ARHGAP31: variants seen among roughly 807,000 people sequenced by gnomAD.
The protein encoded by ARHGAP31 is Rho GTPase activating protein 31.
In ARHGAP31, 34 loss-of-function variants were observed where a neutral mutation model predicts 113.9. The observed-to-expected ratio is 0.30, with a 90% CI of 0.23 to 0.40. The LOEUF is 0.40. Ranked by LOEUF, ARHGAP31 falls within the 10% of genes least tolerant of loss-of-function variation. ARHGAP31 has a pLI of 1.00. For synonymous variants in ARHGAP31, 650 were observed against 684.8 expected (o/e 0.95, Z 0.79); for missense variants, 1,548 against 1,767.1 (o/e 0.88, Z 2.22).
At chr3:119,298,857 C>T in intron 1 of ARHGAP31, 1 of 221,570 alleles carries the variant, frequency 4.5e-6, no homozygotes. Context: ...CTATATACTT[C>T]CGAAGTTGTA....
chr3:119,415,412 C>A lies in ARHGAP31; in HGVS notation c.3483C>A (p.Asp1161Glu), dbSNP rs780967479. ...KADPWRVYSQ[D>E]PQDLDIVAHA... Reference sequence around the variant, plus strand: ...ACCCCTGGAGGGTTTACTCCCAGGACCCCCAGGACCTGGACATTGTTGCTC... The same window carrying A: ...ACCCCTGGAGGGTTTACTCCCAGGAACCCCAGGACCTGGACATTGTTGCTC... The change falls in exon 12 of 12, where the codon GAC becomes GAA. Residue 1161 changes from aspartate to glutamate, a missense_variant. Physicochemically the swap from Asp to Glu is conservative, Grantham distance 45. Transcript: ENST00000264245. 3.7e-6 allele frequency: 6 copies of A among 1,614,008 alleles called. No individual in the cohort carries two copies. The highest frequency in any genetic ancestry group is 5.1e-6 in the Non-Finnish European group (6 of 1,180,038).
intron 1 of ARHGAP31, among the ~76,000 whole-genome samples, chr3:119,313,921 A>T (rs1227901001): frequency 1.3e-5 from 2 of 152,252 alleles, no homozygotes; most frequent in African/African-American, 4.8e-5. Context: ...AGTGGGCAAA[A>T]GGAGAATGTC....
intron 1 of ARHGAP31, among the ~76,000 whole-genome samples, chr3:119,305,007 T>A (rs984149734): frequency 6.6e-6 from 1 of 152,216 alleles, no homozygotes; most frequent in Non-Finnish European, 1.5e-5. Context: ...ATGGCATAAA[T>A]GTCCAACTGC....
intron 1 of ARHGAP31, among the ~76,000 whole-genome samples, chr3:119,356,957 A>G (rs997802354): frequency 9.9e-5 from 15 of 152,230 alleles, no homozygotes; most frequent in African/African-American, 3.4e-4. Context: ...TATAATTTTA[A>G]CAGATATTGT....
At chr3:119,298,087 G>A (rs2079549135) in intron 1 of ARHGAP31, among the ~76,000 whole-genome samples, 1 of 152,096 alleles carries the variant, frequency 6.6e-6, no homozygotes, top group Non-Finnish European at 1.5e-5. Flanking sequence ...AACTTGGTAA[G>A]AAGGGAGCAA....
chr3:119,413,464 G>C (rs1291362797), intron 11 of ARHGAP31, among the ~76,000 whole-genome samples: 1 of 152,048 alleles, frequency 6.6e-6, no homozygotes, highest in East Asian at 1.9e-4. Flanking sequence ...ATGAGACCAG[G>C]GTTTTTGTTG....
At chr3:119,306,908 AC>A (rs1157876627) in intron 1 of ARHGAP31, among the ~76,000 whole-genome samples, 1 of 152,218 alleles carries the variant, frequency 6.6e-6, no homozygotes, top group African/African-American at 2.4e-5. Context: ...CACTGAAGAT[AC>A]ATTTTTATCT....
intron 1 of ARHGAP31, among the ~76,000 whole-genome samples, chr3:119,348,807 C>T (rs1344028330): frequency 6.6e-6 from 1 of 152,062 alleles, no homozygotes; most frequent in Non-Finnish European, 1.5e-5. Context: ...TTGGCTGAAT[C>T]CAAGGATGCA....
At chr3:119,353,971 G>A (rs2080133399) in intron 1 of ARHGAP31, among the ~76,000 whole-genome samples, 1 of 152,182 alleles carries the variant, frequency 6.6e-6, no homozygotes, top group Non-Finnish European at 1.5e-5. Context: ...GAAAGAGACA[G>A]CATTGACAGC....
In ARHGAP31 at chr3:119,336,885, C is replaced by G. The variant is rs141072193; in HGVS notation, c.101-28431C>G. Among the ~76,000 whole-genome samples the G allele has an allele frequency of 2.2e-3, 333 of 152,344 alleles. 4 individuals carry two copies. Among genetic ancestry groups the G allele is most frequent in the African/African-American group, 7.4e-3 (308 of 41,578 alleles). ...TTCTATCTTTACAGATTTGTCTATG[C>G]TGGACACTTCATATGAACGGAATCA... On this transcript the variant is annotated intron_variant, in intron 1 of 11. Coordinates refer to ENST00000264245, the MANE Select transcript of ARHGAP31 (RefSeq NM_020754.4).
At chr3:119,351,788 C>A (rs192516034) in intron 1 of ARHGAP31, among the ~76,000 whole-genome samples, 12 of 152,318 alleles carry the variant, frequency 7.9e-5, no homozygotes, top group African/African-American at 2.6e-4. Flanking sequence ...CAGGCACATG[C>A]GGCCGTTCTC....
rs576576371 is a variant in ARHGAP31 at position 119,378,505 on chromosome 3, T to C, written c.349-2399T>C. ...GGAACTTTCCATGAGGGTTGTTAAA[T>C]TGACCTACACCTTTATTCCCCAGAC... On this transcript the variant is annotated intron_variant, in intron 3 of 11. Transcript: ENST00000264245. 7.9e-5 allele frequency among the ~76,000 whole-genome samples: 12 copies of C among 152,208 alleles called. No individual in the cohort carries two copies. In the South Asian group the frequency reaches 2.5e-3, roughly 32 times the overall value.
intron 1 of ARHGAP31, among the ~76,000 whole-genome samples, chr3:119,339,469 A>G (rs1025111089): frequency 7.2e-5 from 11 of 152,194 alleles, no homozygotes; most frequent in Non-Finnish European, 1.5e-4. Flanking sequence ...AAAGAAAGAT[A>G]AAGTGGGAAG....
intron 9 of ARHGAP31, 152 bp from the exon 10 acceptor site, chr3:119,401,670 C>A: frequency 1.4e-6 from 1 of 736,424 alleles, no homozygotes; most frequent in Non-Finnish European, 2.4e-6. Flanking sequence ...TTTTGTCATC[C>A]AGATGTTACC....
chr3:119,356,718 T>G (rs1404117682), intron 1 of ARHGAP31, among the ~76,000 whole-genome samples: 2 of 152,230 alleles, frequency 1.3e-5, no homozygotes, highest in Non-Finnish European at 2.9e-5. Flanking sequence ...GAGACCACTC[T>G]ATGTCTGTAC....
chr3:119,392,090 C>G (rs1423394099), intron 7 of ARHGAP31, among the ~76,000 whole-genome samples: 1 of 152,156 alleles, frequency 6.6e-6, no homozygotes, highest in Non-Finnish European at 1.5e-5. Context: ...AAAAGCTTGA[C>G]AAAATGTGGG....
chr3:119,358,848 T>C (rs1206965209), intron 1 of ARHGAP31, among the ~76,000 whole-genome samples: 4 of 152,012 alleles, frequency 2.6e-5, no homozygotes, highest in African/African-American at 9.7e-5. Context: ...GAAGGGGAAA[T>C]GGGCAGTAAC....
chr3:119,355,214 TTATC>T (rs1276881043), intron 1 of ARHGAP31, among the ~76,000 whole-genome samples: 6 of 152,244 alleles, frequency 3.9e-5, no homozygotes, highest in African/African-American at 1.4e-4. Context: ...ATTGGGCAAT[TTATC>T]TATTCTCTCT....
At chr3:119,382,015 A>G (rs1314433255) in intron 4 of ARHGAP31, among the ~76,000 whole-genome samples, 2 of 146,782 alleles carry the variant, frequency 1.4e-5, no homozygotes, top group South Asian at 2.1e-4. Flanking sequence ...AAAAGCCTTC[A>G]GGCTCTGAGG....
Sources: allele counts gnomAD v4.1 joint callset (sites outside exome capture counted in the v4.1 genomes callset), GRCh38; gene constraint gnomAD v4.1.1; transcripts MANE v1.5; gene names NCBI Gene and HGNC (gene_info 2026-07-23, HGNC 2026-07-21).